The following IFT57 variants were observed in gnomAD, a reference collection of about 807,000 sequenced individuals.
IFT57 encodes the protein intraflagellar transport protein 57 homolog.
Under a neutral mutation model 56.8 loss-of-function variants are expected in IFT57, and 59 were observed. The observed-to-expected ratio is 1.04, with a 90% CI of 0.84 to 1.29. IFT57 has a LOEUF of 1.29. IFT57 is among the 50% of genes most tolerant of loss of function. The pLI, the probability that IFT57 is intolerant of heterozygous loss-of-function variation, is 0.00. For synonymous variants in IFT57, 209 were observed against 186.1 expected (o/e 1.12, Z -1.00); for missense variants, 470 against 522.1 (o/e 0.90, Z 0.97).
chr3:108,167,037 C>G (rs781031485), intron 7 of IFT57, 52 bp from the exon 8 acceptor site: 2 of 1,518,504 alleles, frequency 1.3e-6, no homozygotes, highest in South Asian at 2.5e-5. Flanking sequence ...CATATTTTTT[C>G]AAAAATATTA....
intron 7 of IFT57, 24 bp from the exon 8 acceptor site, chr3:108,167,009 G>A: frequency 6.3e-7 from 1 of 1,596,078 alleles, no homozygotes; most frequent in Non-Finnish European, 8.5e-7. Context: ...GGAATTTGCA[G>A]ATAGAAGAAC....
intron 3 of IFT57, among the ~76,000 whole-genome samples, chr3:108,216,594 C>T (rs2080374360): frequency 6.6e-6 from 1 of 152,124 alleles, no homozygotes. Flanking sequence ...CTAAAAATAG[C>T]ACTACTCTAT....
In IFT57 at chr3:108,222,185, G is replaced by C. The variant is rs759269709; in HGVS notation, c.138C>G (p.Asp46Glu). ...AAYHMFVVME[D>E]LVEKLKLLRY... ...GGAGCAGCTTCAGCTTCTCCACCAA[G>C]TCCTCCATCACCACGAACATGTGGT... Residue 46 changes from aspartate to glutamate, a missense_variant, in exon 1 of 11, where the codon GAC (aspartate) becomes GAG (glutamate). Coordinates refer to ENST00000264538, the MANE Select transcript of IFT57 (RefSeq NM_018010.4). 3 of 1,614,094 alleles carry C rather than the reference G, an allele frequency of 1.9e-6. No homozygotes were observed. Among genetic ancestry groups the C allele is most frequent in the Admixed American group, 1.7e-5 (1 of 60,026 alleles).
rs1168796234 is a variant in IFT57 at position 108,162,599 on chromosome 3, T to C, written c.1168A>G (p.Met390Val). The C allele has an allele frequency of 3.1e-6, 5 of 1,612,618 alleles. No individual in the cohort carries two copies. The highest frequency in any genetic ancestry group is 1.6e-4 in the Middle Eastern group (1 of 6,068). ...TCCACAATGCCAATTCTAATGTCCA[T>C]CTCTACAGTTTCTTGCTTCAGTTTT... is the stretch of plus-strand genomic sequence containing the variant. Reference protein sequence around the residue: ...LTKLKQETVEMDIRIGIVEHT... With the variant: ...LTKLKQETVEVDIRIGIVEHT... Residue 390 changes from methionine (M) to valine (V), a missense_variant, in exon 11 of 11, where the codon ATG (methionine) becomes GTG (valine). Met to Val is a conservative substitution (Grantham distance 21, BLOSUM62 1). Transcript: ENST00000264538.
At chr3:108,186,170 A>G (rs2080180944) in intron 6 of IFT57, among the ~76,000 whole-genome samples, 2 of 152,176 alleles carry the variant, frequency 1.3e-5, no homozygotes, top group South Asian at 4.1e-4. Flanking sequence ...ATATCAATGA[A>G]GATACCATTG....
At chr3:108,220,218 A>T (rs1289751) in intron 1 of IFT57, among the ~76,000 whole-genome samples, 118,715 of 152,208 alleles carry the variant, frequency 0.78, 47,303 homozygotes, top group Non-Finnish European at 0.86. Flanking sequence ...TCACCAGTCA[A>T]ACATCTGTGG....
At chr3:108,182,438 C>T (rs994180558) in intron 6 of IFT57, among the ~76,000 whole-genome samples, 1 of 152,042 alleles carries the variant, frequency 6.6e-6, no homozygotes, top group Non-Finnish European at 1.5e-5. Flanking sequence ...TAAAGGAGGC[C>T]TCTCTTCTCC....
chr3:108,197,530 A>G (rs767695114), intron 5 of IFT57, among the ~76,000 whole-genome samples: 3 of 152,212 alleles, frequency 2.0e-5, no homozygotes, highest in Non-Finnish European at 2.9e-5. Flanking sequence ...GCCTACTTAG[A>G]ATCCTGTTCC....
At chr3:108,219,366 T>G in intron 2 of IFT57, 44 bp downstream of exon 2, 2 of 1,520,682 alleles carry the variant, frequency 1.3e-6, no homozygotes, top group Non-Finnish European at 1.8e-6. Flanking sequence ...GTATTAAAAT[T>G]CATAACTTGA....
intron 6 of IFT57, among the ~76,000 whole-genome samples, chr3:108,187,501 G>T (rs1410242201): frequency 6.6e-6 from 1 of 151,954 alleles, no homozygotes; most frequent in Non-Finnish European, 1.5e-5. Flanking sequence ...AAGAATAAAT[G>T]TGTGAGAGAA....
At chr3:108,169,341 T>C (rs943902411) in intron 6 of IFT57, among the ~76,000 whole-genome samples, 5 of 151,980 alleles carry the variant, frequency 3.3e-5, no homozygotes, top group Non-Finnish European at 4.4e-5. Context: ...ATGGGTTTTT[T>C]TTTTCTTGTA....
At chr3:108,189,593 T>G (rs2080203871) in intron 6 of IFT57, among the ~76,000 whole-genome samples, 1 of 152,088 alleles carries the variant, frequency 6.6e-6, no homozygotes, top group Admixed American at 6.6e-5. Flanking sequence ...TCTCCTTCAG[T>G]TTTTTATCTA....
At chr3:108,179,041 G>T (rs2108313127) in intron 6 of IFT57, among the ~76,000 whole-genome samples, 1 of 152,010 alleles carries the variant, frequency 6.6e-6, no homozygotes, top group African/African-American at 2.4e-5. Context: ...ATACTCAGAT[G>T]CAGGAAGGAT....
intron 6 of IFT57, among the ~76,000 whole-genome samples, chr3:108,187,185 C>A (rs2080188774): frequency 6.6e-6 from 1 of 152,130 alleles, no homozygotes; most frequent in Non-Finnish European, 1.5e-5. Flanking sequence ...AACAAAAATT[C>A]TTTATCTTCA....
At position 108,222,385 on chromosome 3, in the gene IFT57, G is replaced by C; in HGVS notation, c.-63C>G. 5 of 1,476,294 alleles carry C rather than the reference G, an allele frequency of 3.4e-6. No individual in the cohort carries two copies. Among genetic ancestry groups the C allele is most frequent in the African/African-American group, 1.4e-5 (1 of 70,422 alleles). 91.4% of individuals were successfully genotyped at this position (1,476,294 alleles called of 1,614,324 possible). On this transcript the variant is annotated 5_prime_UTR_variant, in exon 1 of 11. Coordinates refer to ENST00000264538, the MANE Select transcript of IFT57 (RefSeq NM_018010.4). ...CAGACCTCTGCGGCCTAAGCCGCCA[G>C]CCCTGCCGCCGCCAGTACAGCCACG...
intron 6 of IFT57, among the ~76,000 whole-genome samples, chr3:108,171,548 G>A (rs371387341): frequency 8.6e-5 from 13 of 151,928 alleles, no homozygotes; most frequent in African/African-American, 3.1e-4. Flanking sequence ...ATCATCTAGT[G>A]TAACGTTTTC....
At chr3:108,167,935 G>A in intron 6 of IFT57, 71 bp from the exon 7 acceptor site, 1 of 1,194,940 alleles carries the variant, frequency 8.4e-7, no homozygotes, top group Admixed American at 2.3e-5. Flanking sequence ...TTCTTGTGAA[G>A]TTGTAACCTT....
chr3:108,209,290 A>C (rs1370813329), intron 4 of IFT57, among the ~76,000 whole-genome samples: 4 of 152,344 alleles, frequency 2.6e-5, no homozygotes, highest in African/African-American at 9.6e-5. Flanking sequence ...TATTTAAGTG[A>C]TATCAGGGAG....
chr3:108,188,140 A>G (rs1259705443), intron 6 of IFT57, among the ~76,000 whole-genome samples: 1 of 151,790 alleles, frequency 6.6e-6, no homozygotes, highest in Non-Finnish European at 1.5e-5. Flanking sequence ...TCCTGTGTCC[A>G]AGTGTCTATT....
Sources: allele counts gnomAD v4.1 joint callset (sites outside exome capture counted in the v4.1 genomes callset), GRCh38; gene constraint gnomAD v4.1.1; transcripts MANE v1.5; gene names NCBI Gene and HGNC (gene_info 2026-07-23, HGNC 2026-07-21).